SYNPO2: variants seen among roughly 807,000 people sequenced by gnomAD.
SYNPO2 encodes the protein synaptopodin-2.
SYNPO2 carries 56 observed loss-of-function variants against 85.0 expected under a neutral mutation model. The ratio of observed to expected loss-of-function variants is 0.66; its 90% confidence interval spans 0.53 to 0.82. SYNPO2 has a LOEUF of 0.82. SYNPO2 is among the 40% of genes least tolerant of loss of function. The pLI, the probability that SYNPO2 is intolerant of heterozygous loss-of-function variation, is 0.00. For synonymous variants in SYNPO2, 602 were observed against 591.1 expected (o/e 1.02, Z -0.27); for missense variants, 1,575 against 1,534.2 (o/e 1.03, Z -0.44).
At chr4:118,851,026 G>C in intron 1 of SYNPO2, 3 of 398,460 alleles carry the variant, frequency 7.5e-6, no homozygotes, top group Non-Finnish European at 1.3e-5. Flanking sequence ...CGAATATCAG[G>C]TGCTTCACTG....
At chr4:118,871,939 G>C (rs1205439902) in intron 1 of SYNPO2, among the ~76,000 whole-genome samples, 1 of 152,170 alleles carries the variant, frequency 6.6e-6, no homozygotes, top group Non-Finnish European at 1.5e-5. Flanking sequence ...GCAAGCCTGT[G>C]ACCTGTTGAG....
chr4:119,036,125 C>G, intron 4 of SYNPO2: 1 of 985,386 alleles, frequency 1.0e-6, no homozygotes, highest in Non-Finnish European at 1.2e-6. Flanking sequence ...TTATTGAAAT[C>G]AGTTGCTATT....
Position 119,031,331 on chromosome 4 carries a change from T to C in SYNPO2, c.2556T>C (p.Asn852=). 7 of 1,614,170 alleles carry C rather than the reference T, an allele frequency of 4.3e-6. No homozygotes were observed. The highest frequency in any genetic ancestry group is 5.9e-6 in the Non-Finnish European group (7 of 1,180,032). The part of the protein sequence containing the change: ...PKPTVSTPTV[N]AVQPGAVGPS... ...CAACAGTTTCCACACCAACAGTCAA[T>C]GCTGTTCAGCCTGGTGCAGTGGGAC... Residue 852 remains asparagine (N), a synonymous_variant, in exon 4 of 5, where the codon AAT becomes AAC. Coordinates refer to ENST00000307142, the MANE Select transcript of SYNPO2 (RefSeq NM_133477.3).
intron 1 of SYNPO2, among the ~76,000 whole-genome samples, chr4:118,909,794 C>T (rs1733073917): frequency 1.3e-5 from 2 of 152,164 alleles, no homozygotes; most frequent in Admixed American, 1.3e-4. Context: ...ACACTTATAT[C>T]TGTGTGATTT....
At chr4:118,912,980 C>A (rs1358243170) in intron 1 of SYNPO2, among the ~76,000 whole-genome samples, 2 of 152,146 alleles carry the variant, frequency 1.3e-5, no homozygotes, top group African/African-American at 4.8e-5. Context: ...TATTTCAAGG[C>A]AAAATCAACC....
At chr4:118,860,847 G>A (rs1229270908) in intron 1 of SYNPO2, among the ~76,000 whole-genome samples, 1 of 151,998 alleles carries the variant, frequency 6.6e-6, no homozygotes, top group Non-Finnish European at 1.5e-5. Flanking sequence ...GAGGCACTGT[G>A]CCCAGCCTGA....
At chr4:119,057,355 AC>A in intron 4 of SYNPO2, 45 bp from the exon 5 acceptor site, 1 of 1,519,118 alleles carries the variant, frequency 6.6e-7, no homozygotes, top group Non-Finnish European at 8.8e-7. Context: ...AACAATCAGC[AC>A]AAACCAAAAT....
intron 1 of SYNPO2, among the ~76,000 whole-genome samples, chr4:118,908,645 T>A (rs1321314723): frequency 6.6e-6 from 1 of 152,070 alleles, no homozygotes; most frequent in African/African-American, 2.4e-5. Context: ...AAAAAATCTA[T>A]CCTAAAAAAT....
intron 1 of SYNPO2, among the ~76,000 whole-genome samples, chr4:119,022,165 A>G (rs750752006): frequency 8.5e-5 from 13 of 152,118 alleles, no homozygotes; most frequent in Non-Finnish European, 1.6e-4. Flanking sequence ...TTATCAGTCC[A>G]TTTAGCTATA....
intron 1 of SYNPO2, among the ~76,000 whole-genome samples, chr4:118,863,877 G>T (rs147279232): frequency 6.6e-6 from 1 of 152,276 alleles, no homozygotes; most frequent in East Asian, 1.9e-4. Context: ...AAAATGCTGG[G>T]ATTACAGGCA....
intron 4 of SYNPO2, among the ~76,000 whole-genome samples, chr4:119,055,126 A>G (rs186880502): frequency 6.6e-6 from 1 of 151,468 alleles, no homozygotes; most frequent in Admixed American, 6.6e-5. Context: ...TCTTCTCTAA[A>G]CTGATCTTGT....
At chr4:118,953,434 G>A (rs1431921066) in intron 1 of SYNPO2, among the ~76,000 whole-genome samples, 1 of 152,094 alleles carries the variant, frequency 6.6e-6, no homozygotes, top group African/African-American at 2.4e-5. Context: ...ATCCCCCATT[G>A]CCCAGTGCGG....
At chr4:119,014,406 T>G (rs894677452) in intron 1 of SYNPO2, among the ~76,000 whole-genome samples, 4 of 152,252 alleles carry the variant, frequency 2.6e-5, no homozygotes, top group Admixed American at 6.5e-5. Context: ...AAAGTGAGAC[T>G]CCATCTCAAA....
chr4:118,866,397 CGAAAATGGTCAAGGCTTTGCCGATTTCTT>C (rs1170944475), intron 1 of SYNPO2, among the ~76,000 whole-genome samples: 5 of 152,148 alleles, frequency 3.3e-5, no homozygotes, highest in African/African-American at 1.2e-4. Flanking sequence ...TCCAACACCA[CGAAAATGGTCAAGGCTTTGCCGATTTCTT>C]TGCTCCCAGC....
intron 1 of SYNPO2, among the ~76,000 whole-genome samples, chr4:119,022,931 C>T (rs1192942120): frequency 6.6e-6 from 1 of 151,896 alleles, no homozygotes; most frequent in Non-Finnish European, 1.5e-5. Context: ...CGCACACCAC[C>T]ATGCCCAGCT....
At chr4:119,029,731 A>C (rs1258626238) in intron 3 of SYNPO2, 114 bp from the exon 4 acceptor site, 3 of 1,199,270 alleles carry the variant, frequency 2.5e-6, no homozygotes, top group Non-Finnish European at 3.4e-6. Flanking sequence ...TCTGTACTCA[A>C]TGGCAATTTT....
intron 1 of SYNPO2, among the ~76,000 whole-genome samples, chr4:119,018,290 G>A (rs1293225475): frequency 6.6e-6 from 1 of 152,110 alleles, no homozygotes; most frequent in Non-Finnish European, 1.5e-5. Flanking sequence ...CATTTTTTAT[G>A]ACTGAATAAT....
At chr4:118,921,121 G>T (rs1360569357) in intron 1 of SYNPO2, among the ~76,000 whole-genome samples, 1 of 152,044 alleles carries the variant, frequency 6.6e-6, no homozygotes, top group Admixed American at 6.6e-5. Context: ...TGTCCAGGCT[G>T]GTCTTGAACT....
At chr4:118,955,036 A>C (rs1734824478) in intron 1 of SYNPO2, among the ~76,000 whole-genome samples, 1 of 140,942 alleles carries the variant, frequency 7.1e-6, no homozygotes, top group African/African-American at 2.7e-5. Flanking sequence ...GTCTCACTCT[A>C]TCACCTAGGC....
Sources: allele counts gnomAD v4.1 joint callset (sites outside exome capture counted in the v4.1 genomes callset), GRCh38; gene constraint gnomAD v4.1.1; transcripts MANE v1.5; gene names NCBI Gene and HGNC (gene_info 2026-07-23, HGNC 2026-07-21).